SAR1A: variants seen among roughly 807,000 people sequenced by gnomAD.
SAR1A encodes the protein small COPII coat GTPase SAR1A.
A neutral mutation model predicts 22.6 loss-of-function variants in SAR1A; 6 were observed. That is an observed-to-expected ratio of 0.27 (90% CI 0.15 to 0.52). The LOEUF (loss-of-function observed/expected upper bound fraction) is 0.52, where lower values mean the gene tolerates loss of function less well. Ranked by LOEUF, SAR1A falls within the 20% of genes least tolerant of loss-of-function variation. The pLI, the probability that SAR1A is intolerant of heterozygous loss-of-function variation, is 0.96. For synonymous variants in SAR1A, 70 were observed against 82.2 expected (o/e 0.85, Z 0.80); for missense variants, 145 against 245.1 (o/e 0.59, Z 2.73).
At chr10:70,153,432 G>C (rs1484503756) in intron 6 of SAR1A, among the ~76,000 whole-genome samples, 1 of 152,132 alleles carries the variant, frequency 6.6e-6, no homozygotes, top group African/African-American at 2.4e-5. Flanking sequence ...AAGCAATGAG[G>C]ATAATCAAGT....
Position 70,151,976 on chromosome 10 carries a change from C to A in SAR1A, c.*500G>T. The A allele has an allele frequency of 5.8e-6, 1 of 171,282 alleles. No individual in the cohort carries two copies. 10.6% of individuals were successfully genotyped at this position (171,282 alleles called of 1,614,324 possible). A position where few individuals can be genotyped will look rare whatever the true frequency, so the allele number is the denominator to read the frequency against. On this transcript the variant is annotated 3_prime_UTR_variant, in exon 7 of 7. Coordinates refer to ENST00000373241, the MANE Select transcript of SAR1A (RefSeq NM_020150.5). ...CTAACTCAGCAGGAGTAAGTTTACC[C>A]AAATGAGCTCTGGCCTCCATATCTG...
At chr10:70,157,420 A>C (rs900348440) in intron 5 of SAR1A, among the ~76,000 whole-genome samples, 32 of 116,964 alleles carry the variant, frequency 2.7e-4, no homozygotes, top group South Asian at 2.6e-3. Context: ...AAAAAAAAAA[A>C]AAAAAAAAAC....
intron 4 of SAR1A, among the ~76,000 whole-genome samples, chr10:70,158,266 C>T (rs1839420162): frequency 1.3e-5 from 2 of 152,170 alleles, no homozygotes; most frequent in Non-Finnish European, 2.9e-5. Context: ...CTTGCCTTGC[C>T]CCTGGGGCCA....
chr10:70,164,884 G>A (rs138825594), intron 1 of SAR1A, among the ~76,000 whole-genome samples: 279 of 152,302 alleles, frequency 1.8e-3, no homozygotes, highest in Non-Finnish European at 2.8e-3. Context: ...CAACGCACCT[G>A]GTCACCCATG....
At chr10:70,155,100 T>G (rs370902928) in intron 5 of SAR1A, 2 of 528,214 alleles carry the variant, frequency 3.8e-6, no homozygotes, top group Non-Finnish European at 7.8e-6. Context: ...TAGGGGCCAG[T>G]GTGAGAAGTG....
At chr10:70,157,938 T>C (rs1839415549) in intron 4 of SAR1A, 71 bp from the exon 5 acceptor site, 1 of 1,021,480 alleles carries the variant, frequency 9.8e-7, no homozygotes, top group Non-Finnish European at 1.5e-6. Context: ...TAATGGTCTA[T>C]AAAATGGACA....
Position 70,151,958 on chromosome 10 carries a change from A to G in SAR1A, c.*518T>C. Reference sequence around the variant, plus strand: ...GCTTCTCTCACCAACCTGCTAACTCAGCAGGAGTAAGTTTACCCAAATGAG... The same window carrying G: ...GCTTCTCTCACCAACCTGCTAACTCGGCAGGAGTAAGTTTACCCAAATGAG... On this transcript the variant is annotated 3_prime_UTR_variant, in exon 7 of 7. Transcript: ENST00000373241. The G allele has an allele frequency of 6.0e-6, 1 of 168,052 alleles. No individual in the cohort carries two copies. The highest frequency in any genetic ancestry group is 1.3e-5 in the Non-Finnish European group (1 of 77,528). 10.4% of individuals were successfully genotyped at this position (168,052 alleles called of 1,614,324 possible).
rs1215393719 is a variant in SAR1A, at chr10:70,163,813, C to T, written c.-16-1882G>A. Reference sequence around the variant, plus strand: ...CTGTAATGAGGTCTCAGGCAGAATCCCACAGAAGCAGAGTTACAGGACATG... The same window carrying T: ...CTGTAATGAGGTCTCAGGCAGAATCTCACAGAAGCAGAGTTACAGGACATG... On this transcript the variant is annotated intron_variant, in intron 1 of 6. Transcript: ENST00000373241. 10 of 1,453,990 alleles carry T rather than the reference C, an allele frequency of 6.9e-6. No homozygotes were observed. The Admixed American group carries it at 1.7e-4, about 24-fold the overall frequency. 90.1% of individuals were successfully genotyped at this position (1,453,990 alleles called of 1,614,324 possible). A position where few individuals can be genotyped will look rare whatever the true frequency, so the allele number is the denominator to read the frequency against.
In SAR1A at chr10:70,149,546, G is replaced by GGTTTTTTTTTTTTT. The variant is rs1564567602; in HGVS notation, c.*2929_*2930insAAAAAAAAAAAAAC. On this transcript the variant is annotated 3_prime_UTR_variant, in exon 7 of 7. Coordinates refer to ENST00000373241, the MANE Select transcript of SAR1A (RefSeq NM_020150.5). The stretch of plus-strand genomic sequence containing the variant: ...ATTTTGCCAAATGTAGCATTTAATT[G>GGTTTTTTTTTTTTT]ATTTTTTTTTTTTTTTTTTTTTTGA... 1 of 23,952 alleles carries GGTTTTTTTTTTTTT rather than the reference G, an allele frequency of 4.2e-5. No homozygotes were observed. Among genetic ancestry groups the GGTTTTTTTTTTTTT allele is most frequent in the East Asian group, 1.1e-3 (1 of 872 alleles). The allele number at this position is 23,952 out of a possible 1,614,324, so 1.5% of individuals were successfully genotyped here.
rs1201137879 is a variant in SAR1A at position 70,151,739 on chromosome 10, T to C, written c.*737A>G. ...ACTTCATGAGTAAGAATAACAACAA[T>C]AACCCATTCTATAATTAACTCCTCC... On this transcript the variant is annotated 3_prime_UTR_variant, in exon 7 of 7. Coordinates refer to ENST00000373241, the MANE Select transcript of SAR1A (RefSeq NM_020150.5). The C allele has an allele frequency of 2.0e-5, 3 of 152,602 alleles. No individual in the cohort carries two copies. Among genetic ancestry groups the C allele is most frequent in the Non-Finnish European group, 4.4e-5 (3 of 68,066 alleles). 9.5% of individuals were successfully genotyped at this position (152,602 alleles called of 1,614,324 possible).
intron 4 of SAR1A, 139 bp from the exon 5 acceptor site, chr10:70,158,006 G>GT: frequency 1.7e-6 from 1 of 600,164 alleles, no homozygotes; most frequent in Non-Finnish European, 2.9e-6. Flanking sequence ...GTTCTGGCCA[G>GT]TATTAATTCA....
At chr10:70,163,063 T>G (rs572498791) in intron 1 of SAR1A, 1 of 152,266 alleles carries the variant, frequency 6.6e-6, no homozygotes, top group Non-Finnish European at 1.5e-5. Flanking sequence ...TTAGAAATGA[T>G]TAAGCTTAGT....
intron 1 of SAR1A, among the ~76,000 whole-genome samples, chr10:70,162,470 G>A (rs1293133532): frequency 7.4e-6 from 1 of 134,450 alleles, no homozygotes; most frequent in African/African-American, 2.8e-5. Flanking sequence ...GAGGGGAGGC[G>A]GGGCAGGGGA....
rs1466654152 is a variant in SAR1A at position 70,150,177 on chromosome 10, A to G, written c.*2299T>C. ...CAAACTCAGAGCTCAGAACAAACCA[A>G]TGAAAAAAAAAAAAGGAAATAGCGT... On this transcript the variant is annotated 3_prime_UTR_variant, in exon 7 of 7. Transcript: ENST00000373241. 3 of 150,252 alleles carry G rather than the reference A, an allele frequency of 2.0e-5. No individual in the cohort carries two copies. Among genetic ancestry groups the G allele is most frequent in the Admixed American group, 6.7e-5 (1 of 14,962 alleles). 9.3% of individuals were successfully genotyped at this position (150,252 alleles called of 1,614,324 possible).
chr10:70,150,440 G>C lies in SAR1A; in HGVS notation c.*2036C>G, dbSNP rs1017550255. The C allele has an allele frequency of 6.6e-6, 1 of 152,092 alleles. No individual in the cohort carries two copies. The highest frequency in any genetic ancestry group is 1.5e-5 in the Non-Finnish European group (1 of 68,024). The allele number at this position is 152,092 out of a possible 1,614,324, so 9.4% of individuals were successfully genotyped here. A position where few individuals can be genotyped will look rare whatever the true frequency, so the allele number is the denominator to read the frequency against. On this transcript the variant is annotated 3_prime_UTR_variant, in exon 7 of 7. Coordinates refer to ENST00000373241, the MANE Select transcript of SAR1A (RefSeq NM_020150.5). ...TGTTCCGTGGGGCAAGAAATACATT[G>C]GTTCTAACTGATTTTCAATCCCCTT...
At chr10:70,162,192 T>C (rs549163075) in intron 1 of SAR1A, among the ~76,000 whole-genome samples, 19 of 151,490 alleles carry the variant, frequency 1.3e-4, no homozygotes, top group Admixed American at 5.3e-4. Flanking sequence ...ACTAAAAAAA[T>C]AGCTGGACAT....
intron 1 of SAR1A, chr10:70,163,959 T>C: frequency 1.4e-6 from 2 of 1,461,644 alleles, no homozygotes; most frequent in South Asian, 2.3e-5. Flanking sequence ...ATTCTGTGTG[T>C]TTGATAAGGA....
rs1198236143 is a variant in SAR1A at position 70,157,883 on chromosome 10, T to C, written c.245-16A>G. 1 of 1,514,388 alleles carries C rather than the reference T, an allele frequency of 6.6e-7. No individual in the cohort carries two copies. Among genetic ancestry groups the C allele is most frequent in the Non-Finnish European group, 9.2e-7 (1 of 1,091,824 alleles). 93.8% of individuals were successfully genotyped at this position (1,514,388 alleles called of 1,614,324 possible). ...ACGCGACGTGCTAAAAAACAAAGTT[T>C]GTAGTTGCATGAGTAAAAAATATAC... On this transcript the variant is annotated splice_polypyrimidine_tract_variant and intron_variant, in intron 4 of 6. Coordinates refer to ENST00000373241, the MANE Select transcript of SAR1A (RefSeq NM_020150.5).
Position 70,152,328 on chromosome 10 carries a change from G to A in SAR1A, c.*148C>T. ...GGAGAAGAGCACATGTCACCACTGG[G>A]CAATGAGAGAGTTGACAGAGACTCT... On this transcript the variant is annotated 3_prime_UTR_variant, in exon 7 of 7. Coordinates refer to ENST00000373241, the MANE Select transcript of SAR1A (RefSeq NM_020150.5). 2 of 884,224 alleles carry A rather than the reference G, an allele frequency of 2.3e-6. No individual in the cohort carries two copies. Among genetic ancestry groups the A allele is most frequent in the Non-Finnish European group, 3.6e-6 (2 of 556,214 alleles). 54.8% of individuals were successfully genotyped at this position (884,224 alleles called of 1,614,324 possible). A position where few individuals can be genotyped will look rare whatever the true frequency, so the allele number is the denominator to read the frequency against.
Sources: gnomAD v4.1 joint callset for allele counts (sites outside exome capture counted in the v4.1 genomes callset) on GRCh38, gnomAD v4.1.1 for gene constraint, MANE v1.5 for transcripts, NCBI Gene and HGNC (gene_info 2026-07-23, HGNC 2026-07-21) for gene names.